Variants in SHISA9 observed in about 807,000 individuals in gnomAD.
SHISA9 encodes the protein protein shisa-9.
A neutral mutation model predicts 38.0 loss-of-function variants in SHISA9; 13 were observed. That is an observed-to-expected ratio of 0.34 (90% CI 0.22 to 0.54). The LOEUF (loss-of-function observed/expected upper bound fraction) is 0.54. Among genes scored for constraint, SHISA9 ranks in the 20% least tolerant of loss-of-function variants. The pLI, the probability that SHISA9 is intolerant of heterozygous loss-of-function variation, is 0.91. For missense variants in SHISA9, 538 were observed against 575.8 expected (o/e 0.93, Z 0.67); for synonymous variants, 275 against 242.0 (o/e 1.14, Z -1.27).
the SHISA9 span, among the ~76,000 whole-genome samples, chr16:13,474,691 G>A: frequency 6.6e-6 from 1 of 152,326 alleles, no homozygotes; most frequent in South Asian, 2.1e-4. Flanking sequence ...ATGTGATAAA[G>A]ATAGTGACTA....
the SHISA9 span, among the ~76,000 whole-genome samples, chr16:13,347,027 A>G: frequency 1.2e-4 from 18 of 152,154 alleles, 2 homozygotes; most frequent in Admixed American, 1.0e-3. Flanking sequence ...GCCATCTTTT[A>G]TGCTCTGACT....
chr16:13,376,936 C>G, the SHISA9 span, among the ~76,000 whole-genome samples: 1 of 152,174 alleles, frequency 6.6e-6, no homozygotes, highest in South Asian at 2.1e-4. Context: ...CTTGGCATCC[C>G]AAAATGCTGG....
Position 13,019,957 on chromosome 16 carries a change from TTCCC to T in SHISA9, c.691+103146_691+103149del, listed in dbSNP as rs1567184285. Reference sequence around the variant, plus strand: ...TTTCTTTCTTTCTTTCTTTCTTTCTTTCCCTCCTTCTTTCCTTCCTTCCTTCCTT... The same window carrying T: ...TTTCTTTCTTTCTTTCTTTCTTTCTTTCCTTCTTTCCTTCCTTCCTTCCTT... On this transcript the variant is annotated intron_variant, in intron 2 of 4. Coordinates refer to ENST00000558583, the MANE Select transcript of SHISA9 (RefSeq NM_001145204.3). Among the ~76,000 whole-genome samples, 160 of 93,852 alleles carry T rather than the reference TTCCC, an allele frequency of 1.7e-3. 7 individuals carry two copies. Among genetic ancestry groups the T allele is most frequent in the Non-Finnish European group, 2.4e-3 (108 of 44,856 alleles). 61.6% of individuals were successfully genotyped at this position (93,852 alleles called of 152,430 possible).
At chr16:13,250,878 T>A in the SHISA9 span, among the ~76,000 whole-genome samples, 2 of 152,256 alleles carry the variant, frequency 1.3e-5, no homozygotes, top group South Asian at 4.1e-4. Context: ...ACCACCATGA[T>A]TCAGATGCTC....
chr16:13,144,659 C>A (rs2050431627), intron 2 of SHISA9, among the ~76,000 whole-genome samples: 1 of 152,154 alleles, frequency 6.6e-6, no homozygotes, highest in Non-Finnish European at 1.5e-5. Context: ...TCTTAAATGT[C>A]TTTGCTAAAC....
In SHISA9 at chr16:12,950,987, C is replaced by T. The variant is rs550572931; in HGVS notation, c.691+34172C>T. ...CTGTAATCTCAGCACTTTGTGGGGA[C>T]GAGGCGGGTGGATCACTTGAGATCA... On this transcript the variant is annotated intron_variant, in intron 2 of 4. Coordinates refer to ENST00000558583, the MANE Select transcript of SHISA9 (RefSeq NM_001145204.3). Among the ~76,000 whole-genome samples the T allele has an allele frequency of 5.4e-5, 8 of 149,408 alleles. No homozygotes were observed. The South Asian group carries it at 6.4e-4, about 12-fold the overall frequency.
At chr16:12,909,109 T>C (rs1005917148) in intron 1 of SHISA9, 13 of 988,374 alleles carry the variant, frequency 1.3e-5, no homozygotes, top group African/African-American at 7.0e-5. Flanking sequence ...GAGAAGTCCA[T>C]GTGTGCATGC....
At chr16:13,100,818 C>T (rs2073871558) in intron 2 of SHISA9, among the ~76,000 whole-genome samples, 1 of 152,190 alleles carries the variant, frequency 6.6e-6, no homozygotes, top group Non-Finnish European at 1.5e-5. Context: ...AGGGATTCTC[C>T]TGCCTCAGCC....
At chr16:13,256,533 G>T in the SHISA9 span, among the ~76,000 whole-genome samples, 375 of 152,292 alleles carry the variant, frequency 2.5e-3, 3 homozygotes, top group African/African-American at 8.4e-3. Flanking sequence ...GCCCACCTCG[G>T]CCTACTAAAG....
chr16:13,010,125 C>G lies in SHISA9; in HGVS notation c.691+93310C>G, dbSNP rs568697860. 2.0e-5 allele frequency among the ~76,000 whole-genome samples: 3 copies of G among 152,170 alleles called. No homozygotes were observed. In the East Asian group the frequency reaches 5.8e-4, roughly 29 times the overall value. On this transcript the variant is annotated intron_variant, in intron 2 of 4. Transcript: ENST00000558583. ...CCCAGGAGGTTGAGACTGCAGTGAC[C>G]TATGATTTTGCTACTGCATTCAGCC...
chr16:13,022,309 G>T (rs894452311), intron 2 of SHISA9, among the ~76,000 whole-genome samples: 8 of 151,308 alleles, frequency 5.3e-5, no homozygotes, highest in African/African-American at 1.9e-4. Flanking sequence ...GCACCACAAG[G>T]TCTGGCTAAT....
At chr16:13,370,699 T>C in the SHISA9 span, among the ~76,000 whole-genome samples, 1 of 152,210 alleles carries the variant, frequency 6.6e-6, no homozygotes, top group Non-Finnish European at 1.5e-5. Context: ...AATTTTATTT[T>C]ATTTTTGAGG....
At chr16:13,544,682 C>T in the SHISA9 span, among the ~76,000 whole-genome samples, 3 of 152,054 alleles carry the variant, frequency 2.0e-5, no homozygotes, top group Admixed American at 1.3e-4. Flanking sequence ...GTGTCTCACA[C>T]CTGTAATCCC....
At chr16:13,204,087 T>C (rs995200478) in intron 3 of SHISA9, among the ~76,000 whole-genome samples, 4 of 152,124 alleles carry the variant, frequency 2.6e-5, no homozygotes, top group South Asian at 2.1e-4. Flanking sequence ...TTATCTATTA[T>C]CTATCTATAT....
At chr16:13,500,057 A>C in the SHISA9 span, among the ~76,000 whole-genome samples, 1 of 152,080 alleles carries the variant, frequency 6.6e-6, no homozygotes, top group Non-Finnish European at 1.5e-5. Flanking sequence ...TCCCCACCCA[A>C]ATCTCATCTT....
the SHISA9 span, among the ~76,000 whole-genome samples, chr16:13,508,877 C>T: frequency 6.6e-6 from 1 of 152,244 alleles, no homozygotes; most frequent in African/African-American, 2.4e-5. Flanking sequence ...TCCAATCATC[C>T]TGAAGGGGAT....
intron 2 of SHISA9, among the ~76,000 whole-genome samples, chr16:12,997,797 T>G (rs1177938362): frequency 6.6e-6 from 1 of 152,168 alleles, no homozygotes; most frequent in Non-Finnish European, 1.5e-5. Flanking sequence ...TTCATGGTGC[T>G]CACTCACTGA....
chr16:13,451,691 C>T, the SHISA9 span, among the ~76,000 whole-genome samples: 1 of 152,156 alleles, frequency 6.6e-6, no homozygotes, highest in Non-Finnish European at 1.5e-5. Flanking sequence ...ATGCTTTGCA[C>T]ATTTATGCTC....
intron 2 of SHISA9, chr16:13,082,530 G>T (rs748953012): frequency 6.6e-6 from 1 of 152,118 alleles, no homozygotes; most frequent in South Asian, 2.1e-4. Context: ...TCCTTCTCAT[G>T]TCCCGGCATT....
Sources: allele counts gnomAD v4.1 joint callset (sites outside exome capture counted in the v4.1 genomes callset), GRCh38; gene constraint gnomAD v4.1.1; transcripts MANE v1.5; gene names NCBI Gene and HGNC (gene_info 2026-07-23, HGNC 2026-07-21).